Variants in TFEB observed in about 807,000 individuals in gnomAD.
TFEB encodes the protein transcription factor EB.
A neutral mutation model predicts 48.0 loss-of-function variants in TFEB; 12 were observed. The observed-to-expected ratio is 0.25, with a 90% confidence interval of 0.16 to 0.40. The LOEUF (loss-of-function observed/expected upper bound fraction) is 0.40, where lower values mean the gene tolerates loss of function less well. TFEB is among the 10% of genes least tolerant of loss of function. The pLI is 1.00. For synonymous variants in TFEB, 244 were observed against 261.4 expected (o/e 0.93, Z 0.64); for missense variants, 509 against 640.3 (o/e 0.79, Z 2.21).
chr6:41,707,877 G>C (rs559157603), intron 1 of TFEB, among the ~76,000 whole-genome samples: 35 of 152,364 alleles, frequency 2.3e-4, no homozygotes, highest in African/African-American at 7.7e-4. Context: ...GGCGGCCATG[G>C]GGCTAGGGGA....
chr6:41,732,546 A>C (rs966428776), intron 1 of TFEB: 39 of 984,470 alleles, frequency 4.0e-5, no homozygotes, highest in Admixed American at 6.2e-5. Context: ...ACACATGCAC[A>C]GTTCATCTCT....
intron 1 of TFEB, among the ~76,000 whole-genome samples, chr6:41,711,446 G>A (rs576330384): frequency 3.2e-4 from 49 of 152,246 alleles, no homozygotes; most frequent in Non-Finnish European, 5.0e-4. Flanking sequence ...CAGCAGAATG[G>A]AGGAGACTGG....
chr6:41,690,620 G>C, intron 3 of TFEB, 43 bp downstream of exon 3: 1 of 1,482,304 alleles, frequency 6.7e-7, no homozygotes, highest in Non-Finnish European at 9.0e-7. Flanking sequence ...CAGTGGGCAC[G>C]AGCTCTGCAA....
chr6:41,722,747 A>G (rs1043218613), intron 1 of TFEB, among the ~76,000 whole-genome samples: 1 of 152,254 alleles, frequency 6.6e-6, no homozygotes, highest in Non-Finnish European at 1.5e-5. Context: ...TCCACCATCA[A>G]AAATGATCGT....
Position 41,728,933 on chromosome 6 carries a change from C to T in TFEB, c.-23+6417G>A, listed in dbSNP as rs187134613. On this transcript the variant is annotated intron_variant, in intron 1 of 8. Coordinates refer to ENST00000373033, the MANE Select transcript of TFEB (RefSeq NM_001271944.2). ...CTGGGCACACAATGGGGGCTCAATC[C>T]CATTCTCTCATCCATTCCACAAAGA... 9.2e-5 allele frequency among the ~76,000 whole-genome samples: 14 copies of T among 152,106 alleles called. No homozygotes were observed. The East Asian group carries it at 1.5e-3, about 17-fold the overall frequency.
At chr6:41,688,214 G>T in intron 4 of TFEB, 186 bp from the exon 5 acceptor site, 1 of 637,620 alleles carries the variant, frequency 1.6e-6, no homozygotes, top group Non-Finnish European at 2.6e-6. Flanking sequence ...ATAAGATGTA[G>T]TCCCTGCCCT....
At chr6:41,725,430 C>T (rs1244588996) in intron 1 of TFEB, among the ~76,000 whole-genome samples, 1 of 152,176 alleles carries the variant, frequency 6.6e-6, no homozygotes, top group Non-Finnish European at 1.5e-5. Context: ...CTCCCCCTCT[C>T]CCCCACCAGA....
chr6:41,686,298 T>G (rs1235506411), intron 7 of TFEB, 61 bp from the exon 8 acceptor site: 1 of 1,596,808 alleles, frequency 6.3e-7, no homozygotes, highest in Non-Finnish European at 8.6e-7. Context: ...AAATCCTTGC[T>G]ACTGCTCTGG....
intron 1 of TFEB, among the ~76,000 whole-genome samples, chr6:41,699,808 T>G (rs1335564174): frequency 6.6e-6 from 1 of 152,250 alleles, no homozygotes; most frequent in Non-Finnish European, 1.5e-5. Context: ...ATGAGGTCAA[T>G]GGGACACGCA....
chr6:41,714,535 GC>G (rs1289057659), intron 1 of TFEB, among the ~76,000 whole-genome samples: 2 of 152,210 alleles, frequency 1.3e-5, no homozygotes, highest in Non-Finnish European at 2.9e-5. Context: ...GATCAGAGGT[GC>G]GGCCTTGATG....
chr6:41,723,838 T>C lies in TFEB; in HGVS notation c.-23+11512A>G. 4.4e-6 allele frequency: 2 copies of C among 455,146 alleles called. No homozygotes were observed. Among genetic ancestry groups the C allele is most frequent in the Non-Finnish European group, 8.8e-6 (2 of 226,600 alleles). 28.2% of individuals were successfully genotyped at this position (455,146 alleles called of 1,614,324 possible). Reference sequence around the variant, plus strand: ...ACCCCAGCCTGACCTCAGAGGGCCCTAGGCAGATGGAGAGACACAGAGCAG... The same window carrying C: ...ACCCCAGCCTGACCTCAGAGGGCCCCAGGCAGATGGAGAGACACAGAGCAG... On this transcript the variant is annotated intron_variant, in intron 1 of 8. Transcript: ENST00000373033. The surrounding 1 kb of genome is among the most constrained non-coding windows in gnomAD (Gnocchi z 6.0).
In TFEB at chr6:41,734,369, C is replaced by T. The variant is rs1771581492; in HGVS notation, c.-23+981G>A. ...CTGCGGCGCGAACCTGCTCGCGCAG[C>T]CCGGAGCAGCTCGGGGCAGCCGTGC... On this transcript the variant is annotated intron_variant, in intron 1 of 8. Coordinates refer to ENST00000373033, the MANE Select transcript of TFEB (RefSeq NM_001271944.2). The surrounding 1 kb of genome is among the most constrained non-coding windows in gnomAD (Gnocchi z 4.0). The T allele has an allele frequency of 3.0e-6, 3 of 984,772 alleles. No homozygotes were observed. In the South Asian group the frequency reaches 1.4e-4, roughly 46 times the overall value. The allele number at this position is 984,772 out of a possible 1,614,324, so 61.0% of individuals were successfully genotyped here.
rs971819929 is a variant in TFEB, at chr6:41,734,488, G to C, written c.-23+862C>G. ...CGGACGCGCTGGGCCAGAGCTGGTC[G>C]GGACAGCCCAGGGGTGGGCGGCACG... On this transcript the variant is annotated intron_variant, in intron 1 of 8. Coordinates refer to ENST00000373033, the MANE Select transcript of TFEB (RefSeq NM_001271944.2). The surrounding 1 kb of genome is among the most constrained non-coding windows in gnomAD (Gnocchi z 4.0). 3.3e-5 allele frequency: 19 copies of C among 584,180 alleles called. No homozygotes were observed. The highest frequency in any genetic ancestry group is 3.7e-5 in the Non-Finnish European group (17 of 464,074). The allele number at this position is 584,180 out of a possible 1,614,324, so 36.2% of individuals were successfully genotyped here. A position where few individuals can be genotyped will look rare whatever the true frequency, so the allele number is the denominator to read the frequency against.
At chr6:41,728,215 G>T (rs1771292003) in intron 1 of TFEB, among the ~76,000 whole-genome samples, 1 of 152,228 alleles carries the variant, frequency 6.6e-6, no homozygotes, top group Non-Finnish European at 1.5e-5. Flanking sequence ...CACCTTGCGG[G>T]AGAAGCTGTG....
intron 1 of TFEB, among the ~76,000 whole-genome samples, chr6:41,718,328 C>T (rs1250466657): frequency 6.6e-6 from 1 of 152,086 alleles, no homozygotes; most frequent in Admixed American, 6.5e-5. Flanking sequence ...CCCACCTCAG[C>T]CTCTCCCATA....
chr6:41,685,207 G>T, intron 8 of TFEB, 129 bp from the exon 9 acceptor site: 2 of 1,206,606 alleles, frequency 1.7e-6, no homozygotes, highest in Non-Finnish European at 2.2e-6. Flanking sequence ...TGTTTCCGCT[G>T]GAAGAAAGCA....
At chr6:41,685,664 C>T (rs75419852) in intron 8 of TFEB, among the ~76,000 whole-genome samples, 10,075 of 152,254 alleles carry the variant, frequency 0.066, 450 homozygotes, top group Non-Finnish European at 0.091. Context: ...TGCCACCCAC[C>T]AAATGATTCC....
chr6:41,736,094 A>G (rs2127285308), upstream of TFEB: 1 of 1,611,354 alleles, frequency 6.2e-7, no homozygotes, highest in Non-Finnish European at 8.5e-7. Flanking sequence ...AAAATATGAC[A>G]GTAGAAGGCA....
Position 41,685,083 on chromosome 6 carries a change from AG to A in TFEB, c.952-6del, listed in dbSNP as rs564391697. 4.4e-4 allele frequency: 636 copies of A among 1,437,328 alleles called. 6 individuals are homozygous for A. In the African/African-American group the frequency reaches 7.9e-3, roughly 18 times the overall value. The allele number at this position is 1,437,328 out of a possible 1,614,324, so 89.0% of individuals were successfully genotyped here. A position where few individuals can be genotyped will look rare whatever the true frequency, so the allele number is the denominator to read the frequency against. ...TCGAGCCTGCATCTCCAGCTCCTGCAGGGGAGCAGACAGAAGGCTGGGGAAC... is the reference window on the plus strand; with the variant it reads ...TCGAGCCTGCATCTCCAGCTCCTGCAGGGAGCAGACAGAAGGCTGGGGAAC... On this transcript the variant is annotated splice_polypyrimidine_tract_variant and splice_region_variant and intron_variant, in intron 8 of 8. Coordinates refer to ENST00000373033, the MANE Select transcript of TFEB (RefSeq NM_001271944.2).
Sources: gnomAD v4.1 joint callset for allele counts (sites outside exome capture counted in the v4.1 genomes callset) on GRCh38, gnomAD v4.1.1 for gene constraint, Gnocchi (gnomAD v3.1) non-coding constraint, MANE v1.5 for transcripts, NCBI Gene and HGNC (gene_info 2026-07-23, HGNC 2026-07-21) for gene names.